SYBU: variants seen among roughly 807,000 people sequenced by gnomAD.
SYBU encodes the protein syntabulin.
In SYBU, 21 loss-of-function variants were observed where a neutral mutation model predicts 35.9. The observed-to-expected ratio is 0.58, with a 90% CI of 0.41 to 0.84. The LOEUF (loss-of-function observed/expected upper bound fraction) is 0.84, where lower values mean the gene tolerates loss of function less well. Ranked by LOEUF, SYBU falls within the 40% of genes least tolerant of loss-of-function variation. SYBU has a pLI of 0.00. For synonymous variants in SYBU, 319 were observed against 324.3 expected (o/e 0.98, Z 0.18); for missense variants, 768 against 848.2 (o/e 0.91, Z 1.17).
chr8:109,597,358 C>G (rs574021805), intron 3 of SYBU, among the ~76,000 whole-genome samples: 2 of 152,014 alleles, frequency 1.3e-5, no homozygotes, highest in African/African-American at 2.4e-5. Flanking sequence ...AAGTTGCAAG[C>G]GAAGAAAAGA....
At chr8:109,689,835 A>G (rs1340440424) in intron 1 of SYBU, among the ~76,000 whole-genome samples, 39 of 79,122 alleles carry the variant, frequency 4.9e-4, no homozygotes, top group African/African-American at 1.9e-3. Context: ...ACAATATGAA[A>G]AAAAAAAAAA....
intron 1 of SYBU, among the ~76,000 whole-genome samples, chr8:109,657,381 A>T (rs530561024): frequency 6.6e-6 from 1 of 152,336 alleles, no homozygotes; most frequent in South Asian, 2.1e-4. Flanking sequence ...AAAGAATATG[A>T]CACCCCTTTA....
At chr8:109,596,622 T>G (rs547430463) in intron 3 of SYBU, among the ~76,000 whole-genome samples, 1 of 152,386 alleles carries the variant, frequency 6.6e-6, no homozygotes, top group African/African-American at 2.4e-5. Context: ...TACAATCTTT[T>G]GGGACAATTT....
At chr8:109,636,462 T>C (rs908010702) in intron 2 of SYBU, among the ~76,000 whole-genome samples, 1 of 152,350 alleles carries the variant, frequency 6.6e-6, no homozygotes, top group South Asian at 2.1e-4. Flanking sequence ...ATTTTTCTAA[T>C]CCCTGTGTAT....
At chr8:109,613,901 G>A (rs2844244) in intron 3 of SYBU, among the ~76,000 whole-genome samples, 2 of 152,036 alleles carry the variant, frequency 1.3e-5, no homozygotes, top group Admixed American at 6.5e-5. Context: ...TGCTATTGTC[G>A]TAAGGTTATT....
At chr8:109,667,856 T>C (rs1403327173) in intron 1 of SYBU, among the ~76,000 whole-genome samples, 1 of 152,196 alleles carries the variant, frequency 6.6e-6, no homozygotes, top group Non-Finnish European at 1.5e-5. Context: ...TTCATTGTCA[T>C]GTGAAAAATT....
At position 109,575,786 on chromosome 8, in the gene SYBU, G is replaced by A. The variant is rs1822212623; in HGVS notation, c.1112C>T (p.Ser371Phe). 1 of 1,614,000 alleles carries A rather than the reference G, an allele frequency of 6.2e-7. No homozygotes were observed. The highest frequency in any genetic ancestry group is 8.5e-7 in the Non-Finnish European group (1 of 1,180,012). The change falls in exon 7 of 7, where the codon TCT (serine) becomes TTT (phenylalanine). Residue 371 changes from serine to phenylalanine, a missense_variant. Coordinates refer to ENST00000276646, the MANE Select transcript of SYBU (RefSeq NM_001099754.2). Reference protein sequence around the residue: ...DINIQNKKLESLLQSMEMAHS... With the variant: ...DINIQNKKLEFLLQSMEMAHS... ...TGCCATCTCCATGCTCTGAAGGAGAGACTCCAGCTTCTTGTTTTGGATGTT... is the reference window on the plus strand; with the variant it reads ...TGCCATCTCCATGCTCTGAAGGAGAAACTCCAGCTTCTTGTTTTGGATGTT...
upstream of SYBU, among the ~76,000 whole-genome samples, chr8:109,681,575 A>T (rs3108837): frequency 0.28 from 42,525 of 152,090 alleles, 6,552 homozygotes; most frequent in East Asian, 0.52. Flanking sequence ...AGGGTCTTTA[A>T]AAATGATGAA....
intron 1 of SYBU, chr8:109,644,140 A>C: frequency 6.5e-6 from 3 of 458,366 alleles, no homozygotes; most frequent in Non-Finnish European, 8.8e-6. Flanking sequence ...GGAACTTCGG[A>C]GGGCCCTCAG....
chr8:109,641,410 A>C (rs1344029733), intron 2 of SYBU, among the ~76,000 whole-genome samples: 1 of 152,220 alleles, frequency 6.6e-6, no homozygotes, highest in African/African-American at 2.4e-5. Context: ...GTCTCATTCA[A>C]CTTCACAGCC....
intron 2 of SYBU, among the ~76,000 whole-genome samples, chr8:109,620,640 G>A (rs904305054): frequency 2.6e-5 from 4 of 152,182 alleles, no homozygotes; most frequent in African/African-American, 9.7e-5. Context: ...TTCTGGAAGT[G>A]AATGGTTTTT....
chr8:109,690,091 G>A (rs1817612231), intron 1 of SYBU, among the ~76,000 whole-genome samples: 1 of 152,100 alleles, frequency 6.6e-6, no homozygotes, highest in African/African-American at 2.4e-5. Flanking sequence ...AATATGTACA[G>A]ATCATTATGA....
At chr8:109,613,392 C>T (rs1437276747) in intron 3 of SYBU, among the ~76,000 whole-genome samples, 2 of 152,286 alleles carry the variant, frequency 1.3e-5, no homozygotes, top group East Asian at 1.9e-4. Flanking sequence ...TTCATATTTT[C>T]CATAACCTAT....
chr8:109,617,866 A>T (rs1365524039), intron 3 of SYBU, among the ~76,000 whole-genome samples: 1 of 152,246 alleles, frequency 6.6e-6, no homozygotes, highest in Non-Finnish European at 1.5e-5. Flanking sequence ...AGAATAATCC[A>T]TTATGATGTA....
intron 1 of SYBU, among the ~76,000 whole-genome samples, chr8:109,676,028 A>G (rs1817176792): frequency 6.6e-6 from 1 of 152,236 alleles, no homozygotes; most frequent in East Asian, 1.9e-4. Flanking sequence ...AACAGAGCCA[A>G]CGACAAAAAC....
chr8:109,614,790 G>T (rs1376580285), intron 3 of SYBU, among the ~76,000 whole-genome samples: 1 of 152,220 alleles, frequency 6.6e-6, no homozygotes, highest in Non-Finnish European at 1.5e-5. Flanking sequence ...GTTTTCTTTT[G>T]CTCCTTGGTG....
At position 109,665,265 on chromosome 8, in the gene SYBU, T is replaced by A. The variant is rs62526144; in HGVS notation, c.-129+15446A>T. Among the ~76,000 whole-genome samples, 667 of 152,304 alleles carry A rather than the reference T, an allele frequency of 4.4e-3. 2 individuals carry two copies. Among genetic ancestry groups the A allele is most frequent in the Admixed American group, 6.9e-3 (106 of 15,290 alleles). On this transcript the variant is annotated intron_variant, in intron 1 of 5. Coordinates refer to the SYBU transcript ENST00000408889. ...TTAGTTGGCTTTTTTTGGCCAAGCC[T>A]TCAACCTCCAGTTTGTATTTTACAC...
chr8:109,666,841 T>A (rs934957486), intron 1 of SYBU, among the ~76,000 whole-genome samples: 5 of 152,192 alleles, frequency 3.3e-5, no homozygotes, highest in Non-Finnish European at 7.3e-5. Flanking sequence ...ACTACATTTA[T>A]TTTTTAAAAG....
chr8:109,654,309 C>G (rs10092626), intron 1 of SYBU, among the ~76,000 whole-genome samples: 9,786 of 152,232 alleles, frequency 0.064, 866 homozygotes, highest in African/African-American at 0.2. Flanking sequence ...AGCTCTTGCT[C>G]AAAGTCACAA....
Sources: allele counts gnomAD v4.1 joint callset (sites outside exome capture counted in the v4.1 genomes callset), GRCh38; gene constraint gnomAD v4.1.1; transcripts MANE v1.5; gene names NCBI Gene and HGNC (gene_info 2026-07-23, HGNC 2026-07-21).